Variants in POLR3D observed in about 807,000 individuals in gnomAD.
POLR3D encodes the protein DNA-directed RNA polymerase III subunit RPC4.
Under a neutral mutation model 44.5 loss-of-function variants are expected in POLR3D, and 42 were observed. The ratio of observed to expected loss-of-function variants is 0.94; its 90% CI spans 0.74 to 1.22. The LOEUF is 1.22. Among genes scored for constraint, POLR3D ranks in the 50% most tolerant of loss-of-function variants. POLR3D has a pLI of 0.00. For synonymous variants in POLR3D, 217 were observed against 198.1 expected (o/e 1.10, Z -0.80); for missense variants, 507 against 505.2 (o/e 1.00, Z -0.03).
chr8:22,248,946 T>G, intron 6 of POLR3D, 98 bp from the exon 7 acceptor site: 2 of 1,376,538 alleles, frequency 1.5e-6, no homozygotes, highest in East Asian at 2.3e-5. Flanking sequence ...ACTCCCTGGC[T>G]GAGTGACAGT....
In POLR3D at chr8:22,254,551, C is replaced by T. The variant is rs1383858302; in HGVS notation, c.*4033C>T. On this transcript the variant is annotated 3_prime_UTR_variant, in exon 9 of 9. Transcript: ENST00000306433. The stretch of plus-strand genomic sequence containing the variant: ...ATGTTAATGAGTATGTTGTGTTTCA[C>T]ATACTTCTGAATTAGCCGAAGGAAT... 6.6e-6 allele frequency: 1 copy of T among 152,216 alleles called. No homozygotes were observed. Among genetic ancestry groups the T allele is most frequent in the Non-Finnish European group, 1.5e-5 (1 of 68,042 alleles). 9.4% of individuals were successfully genotyped at this position (152,216 alleles called of 1,614,324 possible).
chr8:22,245,482 C>T lies in POLR3D; in HGVS notation c.33C>T (p.Ser11=), dbSNP rs762020715. The T allele has an allele frequency of 2.4e-5, 31 of 1,308,260 alleles. No individual in the cohort carries two copies. In the East Asian group the frequency reaches 8.7e-4, roughly 37 times the overall value. 81.0% of individuals were successfully genotyped at this position (1,308,260 alleles called of 1,614,324 possible). A position where few individuals can be genotyped will look rare whatever the true frequency, so the allele number is the denominator to read the frequency against. MSEGNAAGEP[S]TPGGPRPLLT... ...AAGGAAACGCCGCCGGCGAGCCCAG[C>T]ACGCCGGGAGGGCCCCGACCTCTCC... The change falls in exon 2 of 9, where the codon AGC becomes AGT. Residue 11 remains serine, a synonymous_variant. Coordinates refer to ENST00000306433, the MANE Select transcript of POLR3D (RefSeq NM_001722.3).
chr8:22,250,588 A>G lies in POLR3D; in HGVS notation c.*70A>G. The G allele has an allele frequency of 6.3e-7, 1 of 1,597,788 alleles. No homozygotes were observed. On this transcript the variant is annotated 3_prime_UTR_variant, in exon 9 of 9. Coordinates refer to ENST00000306433, the MANE Select transcript of POLR3D (RefSeq NM_001722.3). ...CCTGCTCCAGACATTTTGTTCTTGA[A>G]TCTGTGAGACCCAGAAGGGGCCCAC...
rs1830112333 is a variant in POLR3D at position 22,252,399 on chromosome 8, C to G, written c.*1881C>G. 6.5e-6 allele frequency: 1 copy of G among 152,794 alleles called. No homozygotes were observed. Among genetic ancestry groups the G allele is most frequent in the Non-Finnish European group, 1.5e-5 (1 of 68,042 alleles). 9.5% of individuals were successfully genotyped at this position (152,794 alleles called of 1,614,324 possible). A position where few individuals can be genotyped will look rare whatever the true frequency, so the allele number is the denominator to read the frequency against. On this transcript the variant is annotated 3_prime_UTR_variant, in exon 9 of 9. Coordinates refer to ENST00000306433, the MANE Select transcript of POLR3D (RefSeq NM_001722.3). The stretch of plus-strand genomic sequence containing the variant: ...TACTCTTCTGCTTTTTTTGGACGAA[C>G]TCAATGGCCCGATGTTAGATATTGG...
intron 5 of POLR3D, 66 bp downstream of exon 5, chr8:22,248,344 A>G (rs1830064489): frequency 4.4e-6 from 7 of 1,591,792 alleles, no homozygotes; most frequent in Admixed American, 1.7e-5. Flanking sequence ...CTGGGGAGCC[A>G]GGTGAGGGGT....
At chr8:22,247,061 A>T (rs758935903) in intron 2 of POLR3D, among the ~76,000 whole-genome samples, 160 bp from the exon 3 acceptor site, 1 of 152,184 alleles carries the variant, frequency 6.6e-6, no homozygotes, top group African/African-American at 2.4e-5. Flanking sequence ...CCTCCTTTTC[A>T]GGCACATGTG....
At position 22,245,617 on chromosome 8, in the gene POLR3D, A is replaced by C. The variant is rs1392024704; in HGVS notation, c.165+3A>C. On this transcript the variant is annotated splice_donor_region_variant and intron_variant, in intron 2 of 8. Coordinates refer to ENST00000306433, the MANE Select transcript of POLR3D (RefSeq NM_001722.3). ...TCACCCTCGGGGGAGTCAAGAAGGT[A>C]CCCAACGGCGCGTTTCTAAAGAAAC... 8.0e-7 allele frequency: 1 copy of C among 1,253,540 alleles called. No individual in the cohort carries two copies. Among genetic ancestry groups the C allele is most frequent in the African/African-American group, 1.5e-5 (1 of 64,690 alleles). 77.7% of individuals were successfully genotyped at this position (1,253,540 alleles called of 1,614,324 possible). A position where few individuals can be genotyped will look rare whatever the true frequency, so the allele number is the denominator to read the frequency against.
Position 22,250,714 on chromosome 8 carries a change from G to A in POLR3D, c.*196G>A. The stretch of plus-strand genomic sequence containing the variant: ...GGCACAGTGACCTTCCTGCAGCGTG[G>A]AGATGGCACATCCTTGCTGCTGGGG... On this transcript the variant is annotated 3_prime_UTR_variant, in exon 9 of 9. Transcript: ENST00000306433. The A allele has an allele frequency of 1.6e-6, 1 of 635,854 alleles. No homozygotes were observed. The highest frequency in any genetic ancestry group is 2.8e-6 in the Non-Finnish European group (1 of 360,468). The allele number at this position is 635,854 out of a possible 1,614,324, so 39.4% of individuals were successfully genotyped here. A position where few individuals can be genotyped will look rare whatever the true frequency, so the allele number is the denominator to read the frequency against.
chr8:22,248,008 G>A lies in POLR3D; in HGVS notation c.361G>A (p.Gly121Arg). 6.2e-7 allele frequency: 1 copy of A among 1,613,054 alleles called. No homozygotes were observed. The highest frequency in any genetic ancestry group is 8.5e-7 in the Non-Finnish European group (1 of 1,179,288). ...CCCAGCTGAAATGATGAAGAAAAAA[G>A]GTATAAGGAAGGAATCAGTGAATTT... The part of the protein sequence containing the change: ...QGPAEMMKKK[G>R]NWDKTVDVSD... Residue 121 changes from glycine to arginine, a missense_variant and splice_region_variant, in exon 4 of 9, where the codon GGG becomes AGG. By Grantham distance (125) the Gly-to-Arg change is moderately radical. Transcript: ENST00000306433.
intron 7 of POLR3D, 129 bp from the exon 8 acceptor site, chr8:22,249,943 TAGG>T (rs1830086232): frequency 3.3e-6 from 3 of 899,340 alleles, no homozygotes; most frequent in African/African-American, 3.3e-5. Context: ...CAGACAGCCC[TAGG>T]AGAAGGCACT....
chr8:22,245,729 A>G (rs1830033421), intron 2 of POLR3D, 115 bp downstream of exon 2: 2 of 633,450 alleles, frequency 3.2e-6, no homozygotes, highest in South Asian at 8.6e-5. Context: ...GGGCCTCTCA[A>G]GCCTACCCCT....
chr8:22,248,358 A>C, intron 5 of POLR3D, 80 bp downstream of exon 5: 1 of 1,582,808 alleles, frequency 6.3e-7, no homozygotes, highest in Non-Finnish European at 8.6e-7. Flanking sequence ...GAGGGGTAGA[A>C]GAGCTTACTG....
chr8:22,246,099 T>C (rs1830038415), intron 2 of POLR3D, among the ~76,000 whole-genome samples: 1 of 152,060 alleles, frequency 6.6e-6, no homozygotes, highest in Non-Finnish European at 1.5e-5. Flanking sequence ...GGGGTCAGGA[T>C]GACAGAAGAA....
At chr8:22,245,680 A>C in intron 2 of POLR3D, 66 bp downstream of exon 2, 3 of 1,115,384 alleles carry the variant, frequency 2.7e-6, no homozygotes, top group Non-Finnish European at 3.4e-6. Context: ...GATTCAACTA[A>C]TGTTTGTGTA....
At position 22,249,240 on chromosome 8, in the gene POLR3D, C is replaced by T. The variant is rs749823953; in HGVS notation, c.852C>T (p.Ile284=). 3 of 1,613,930 alleles carry T rather than the reference C, an allele frequency of 1.9e-6. No individual in the cohort carries two copies. Among genetic ancestry groups the T allele is most frequent in the Non-Finnish European group, 2.5e-6 (3 of 1,180,012 alleles). ...TLPGQPPTQD[I]KPIKTEVQGE... ...CTGGCCAGCCACCCACCCAGGACAT[C>T]AAGCCTATCAAGACAGAGGTGCAGG... The change falls in exon 7 of 9, where the codon ATC becomes ATT. Residue 284 remains isoleucine (I), a synonymous_variant. Transcript: ENST00000306433.
intron 7 of POLR3D, among the ~76,000 whole-genome samples, chr8:22,249,834 G>A (rs1301613865): frequency 5.3e-5 from 8 of 152,154 alleles, no homozygotes; most frequent in African/African-American, 1.9e-4. Context: ...AAAAATAAGA[G>A]AACGTAAACC....
In POLR3D at chr8:22,249,353, G is replaced by A. The variant is rs1830077203; in HGVS notation, c.921+44G>A. On this transcript the variant is annotated intron_variant, in intron 7 of 8. Transcript: ENST00000306433. ...CTGCGGGAATCAAGTCGGGGACTGG[G>A]ACGGGAAGTGGTGACCTGTAGTGGG... The A allele has an allele frequency of 1.9e-6, 3 of 1,598,866 alleles. No homozygotes were observed. The South Asian group carries it at 3.3e-5, about 18-fold the overall frequency.
rs6982634 is a variant in POLR3D at position 22,245,648 on chromosome 8, T to A, written c.165+34T>A. The A allele has an allele frequency of 0.041, 50,366 of 1,228,150 alleles. 6,213 individuals are homozygous for A. The African/African-American group carries it at 0.42, about 10-fold the overall frequency. The allele number at this position is 1,228,150 out of a possible 1,614,324, so 76.1% of individuals were successfully genotyped here. A position where few individuals can be genotyped will look rare whatever the true frequency, so the allele number is the denominator to read the frequency against. The stretch of plus-strand genomic sequence containing the variant: ...CGGCGCGTTTCTAAAGAAACTCAAC[T>A]ACCTTGAATTCCAAGCCCCAGGATT... On this transcript the variant is annotated intron_variant, in intron 2 of 8. Coordinates refer to ENST00000306433, the MANE Select transcript of POLR3D (RefSeq NM_001722.3).
chr8:22,246,456 T>G (rs1269293075), intron 2 of POLR3D, among the ~76,000 whole-genome samples: 8 of 150,644 alleles, frequency 5.3e-5, no homozygotes, highest in Admixed American at 2.0e-4. Context: ...TGGTTTTTTG[T>G]TTTGTTTTTA....
Sources: gnomAD v4.1 joint callset for allele counts (sites outside exome capture counted in the v4.1 genomes callset) on GRCh38, gnomAD v4.1.1 for gene constraint, MANE v1.5 for transcripts, NCBI Gene and HGNC (gene_info 2026-07-23, HGNC 2026-07-21) for gene names.